The following CD163L1 variants were observed in gnomAD, a reference collection of about 807,000 sequenced individuals.
CD163L1 encodes the protein CD163 molecule like 1, also known as scavenger receptor cysteine-rich type 1 protein M160.
CD163L1 carries 124 observed loss-of-function variants against 165.4 expected under a neutral mutation model. That is an observed-to-expected ratio of 0.75 (90% CI 0.65 to 0.87). The LOEUF is 0.87. CD163L1 is among the 40% of genes least tolerant of loss of function. The probability of loss-of-function intolerance (pLI) is 0.00; values close to 1 mark genes in which losing one functional copy is unlikely to be tolerated. For synonymous variants in CD163L1, 585 were observed against 662.2 expected, an observed-to-expected ratio of 0.88 and a Z score of 1.79; for missense variants, 1,525 against 1,799.9, an observed-to-expected ratio of 0.85 and a Z score of 2.76.
At position 7,347,700 on chromosome 12, in the gene CD163L1, C is replaced by T. The variant is rs992261295; in HGVS notation, c.*25-553G>A. On this transcript the variant is annotated intron_variant, in intron 4 of 4. Coordinates refer to the CD163L1 transcript ENST00000539726. The surrounding 1 kb of genome is among the most constrained non-coding windows in gnomAD (Gnocchi z 4.2). ...AGGAGAATGGCGTGAACCTGGGAGG[C>T]GGAGCTTGCAGTGAACCAAGTTCAC... Among the ~76,000 whole-genome samples the T allele has an allele frequency of 3.3e-5, 5 of 151,564 alleles. No homozygotes were observed. Among genetic ancestry groups the T allele is most frequent in the Admixed American group, 6.6e-5 (1 of 15,222 alleles).
In CD163L1 at chr12:7,421,490, T is replaced by C. The variant is rs538681802; in HGVS notation, c.766+10926A>G. 8.0e-3 allele frequency among the ~76,000 whole-genome samples: 845 copies of C among 105,056 alleles called. 88 individuals are homozygous for C. Among genetic ancestry groups the C allele is most frequent in the Non-Finnish European group, 9.6e-3 (548 of 57,100 alleles). 68.9% of individuals were successfully genotyped at this position (105,056 alleles called of 152,430 possible). A position where few individuals can be genotyped will look rare whatever the true frequency, so the allele number is the denominator to read the frequency against. Reference sequence around the variant, plus strand: ...ATATATATACATATATGTACATATATACATATATGTACATATACATATACA... The same window carrying C: ...ATATATATACATATATGTACATATACACATATATGTACATATACATATACA... On this transcript the variant is annotated intron_variant, in intron 4 of 19. Transcript: ENST00000313599.
the CD163L1 span, among the ~76,000 whole-genome samples, chr12:7,338,450 A>AG: frequency 6.6e-6 from 1 of 152,172 alleles, no homozygotes; most frequent in Admixed American, 6.5e-5. Flanking sequence ...CAGGAATTTT[A>AG]GGGAAAAAAA....
At chr12:7,357,785 G>A (rs1010206465) in intron 18 of CD163L1, among the ~76,000 whole-genome samples, 2 of 152,032 alleles carry the variant, frequency 1.3e-5, no homozygotes, top group African/African-American at 4.8e-5. Flanking sequence ...TTAAAAATGG[G>A]ACAAGTAAAA....
chr12:7,325,882 A>C, the CD163L1 span, among the ~76,000 whole-genome samples: 34 of 152,226 alleles, frequency 2.2e-4, no homozygotes, highest in African/African-American at 7.5e-4. Flanking sequence ...CCTCTCACAC[A>C]CCAGTGAGCC....
rs1948019733 is a variant in CD163L1 at position 7,406,602 on chromosome 12, C to G, written c.1017G>C (p.Trp339Cys). The G allele has an allele frequency of 6.2e-7, 1 of 1,613,788 alleles. No individual in the cohort carries two copies. Among genetic ancestry groups the G allele is most frequent in the African/African-American group, 1.3e-5 (1 of 74,850 alleles). Residue 339 changes from tryptophan to cysteine, a missense_variant, in exon 5 of 20, where the codon TGG (tryptophan) becomes TGC (cysteine). Trp to Cys is a radical substitution (Grantham distance 215). Coordinates refer to ENST00000313599, the MANE Select transcript of CD163L1 (RefSeq NM_174941.6). ...TGACGGTTCCGGAATGTCTGCAGTC[C>G]CAAAGAAAAGATTCATTACCGGAGC... is the stretch of plus-strand genomic sequence containing the variant. The part of the protein sequence containing the change: ...VSCSGNESFL[W>C]DCRHSGTVNF...
rs1947769531 is a variant in CD163L1 at position 7,396,190 on chromosome 12, C to T, written c.1955G>A (p.Cys652Tyr). Reference protein sequence around the residue: ...YGKIWLDDVSCDGDESDLWSC... With the variant: ...YGKIWLDDVSYDGDESDLWSC... ...CCAGAGATCTGACTCATCTCCATCA[C>T]AGGAAACATCATCGAGCCAAATTTT... Residue 652 changes from cysteine (C) to tyrosine (Y), a missense_variant, in exon 8 of 20, where the codon TGT becomes TAT. Coordinates refer to ENST00000313599, the MANE Select transcript of CD163L1 (RefSeq NM_174941.6). 1.2e-6 allele frequency: 2 copies of T among 1,614,172 alleles called. No individual in the cohort carries two copies. Among genetic ancestry groups the T allele is most frequent in the Admixed American group, 1.7e-5 (1 of 60,022 alleles).
intron 4 of CD163L1, among the ~76,000 whole-genome samples, chr12:7,426,635 C>T (rs1317851009): frequency 6.6e-6 from 1 of 151,964 alleles, no homozygotes; most frequent in Non-Finnish European, 1.5e-5. Flanking sequence ...CCACCTGTTC[C>T]CCCAAAACCA....
intron 4 of CD163L1, among the ~76,000 whole-genome samples, chr12:7,421,612 CATATATGTACAT>C (rs1372666127): frequency 0.047 from 189 of 4,062 alleles, 8 homozygotes; most frequent in Middle Eastern, 0.12. Flanking sequence ...TACACATATA[CATATATGTACAT>C]ATATACATAT....
chr12:7,372,000 T>C (rs1297233892), intron 14 of CD163L1, among the ~76,000 whole-genome samples: 1 of 152,098 alleles, frequency 6.6e-6, no homozygotes, highest in Non-Finnish European at 1.5e-5. Context: ...CTGGGTTTTT[T>C]TCAAATTTTT....
Position 7,367,249 on chromosome 12 carries a change from C to T in CD163L1, c.4266G>A (p.Gly1422=). 1 of 1,612,134 alleles carries T rather than the reference C, an allele frequency of 6.2e-7. No individual in the cohort carries two copies. The highest frequency in any genetic ancestry group is 1.1e-5 in the South Asian group (1 of 90,936). ...AGTTGCACAGACCTGAGGTTCTTGT[C>T]CCATGTGGGTCCTCTCTCTTGAGGC... ...ETCLKREDPH[G]TRTSDDTPNH... is the part of the protein sequence containing the mutation. The change falls in exon 18 of 20, where the codon GGG becomes GGA. Residue 1422 remains glycine (G), a synonymous_variant. Coordinates refer to ENST00000313599, the MANE Select transcript of CD163L1 (RefSeq NM_174941.6).
At chr12:7,388,754 A>AG (rs1436477164) in intron 8 of CD163L1, among the ~76,000 whole-genome samples, 1 of 151,456 alleles carries the variant, frequency 6.6e-6, no homozygotes, top group East Asian at 2.0e-4. Context: ...AAAAAAAAAA[A>AG]AAAACAAAGT....
chr12:7,341,362 G>T, the CD163L1 span, among the ~76,000 whole-genome samples: 1 of 152,196 alleles, frequency 6.6e-6, no homozygotes, highest in Non-Finnish European at 1.5e-5. Flanking sequence ...GGACATAATT[G>T]CAAAGAAAGA....
At chr12:7,441,582 T>A (rs1232195095) in intron 1 of CD163L1, among the ~76,000 whole-genome samples, 1 of 152,246 alleles carries the variant, frequency 6.6e-6, no homozygotes, top group African/African-American at 2.4e-5. Flanking sequence ...CTCAACTCTT[T>A]GACCCTCTCC....
the CD163L1 span, chr12:7,326,830 C>T: frequency 2.3e-6 from 2 of 876,418 alleles, no homozygotes; most frequent in South Asian, 4.5e-5. Context: ...TGTATCCAAG[C>T]TTTGTTCAGA....
intron 4 of CD163L1, among the ~76,000 whole-genome samples, chr12:7,410,108 AAC>A (rs1948104340): frequency 6.6e-6 from 1 of 152,298 alleles, no homozygotes; most frequent in African/African-American, 2.4e-5. Context: ...TTAAATTAAT[AAC>A]ACAATAGATT....
chr12:7,373,425 C>A lies in CD163L1; in HGVS notation c.3625G>T (p.Asp1209Tyr), dbSNP rs759665574. 1.2e-6 allele frequency: 2 copies of A among 1,614,092 alleles called. No individual in the cohort carries two copies. Among genetic ancestry groups the A allele is most frequent in the East Asian group, 4.5e-5 (2 of 44,898 alleles). ...KTGSGFMWVD[D>Y]IQCPKTHISI... ...ATATGCGTTTTAGGACACTGAATGT[C>A]ATCCACCCACATGAAACCAGAGCCT... Residue 1209 changes from aspartate to tyrosine, a missense_variant, in exon 14 of 20, where the codon GAC (aspartate) becomes TAC (tyrosine). Asp to Tyr is a radical substitution (Grantham distance 160). Coordinates refer to ENST00000313599, the MANE Select transcript of CD163L1 (RefSeq NM_174941.6).
rs374850066 is a variant in CD163L1, at chr12:7,374,927, G to A, written c.3002-4C>T. The A allele has an allele frequency of 6.2e-7, 1 of 1,614,064 alleles. No homozygotes were observed. Among genetic ancestry groups the A allele is most frequent in the Non-Finnish European group, 8.5e-7 (1 of 1,179,926 alleles). On this transcript the variant is annotated splice_region_variant and splice_polypyrimidine_tract_variant and intron_variant, in intron 11 of 19. Transcript: ENST00000313599. This position sits in a 1 kb window ranked among gnomAD's most constrained non-coding sequence, Gnocchi z 5.4. ...AACAGTGGCTGGGTCAGGCTTCCTGGTGGAGGGTGCAGGAAATGGGGCAAA... is the reference window on the plus strand; with the variant it reads ...AACAGTGGCTGGGTCAGGCTTCCTGATGGAGGGTGCAGGAAATGGGGCAAA...
At chr12:7,333,678 T>G in the CD163L1 span, among the ~76,000 whole-genome samples, 1 of 152,128 alleles carries the variant, frequency 6.6e-6, no homozygotes, top group East Asian at 1.9e-4. Context: ...CAAAAAACCC[T>G]TAAAAAATCA....
At position 7,373,411 on chromosome 12, in the gene CD163L1, A is replaced by C; in HGVS notation, c.3639T>G (p.Pro1213=). ...GFMWVDDIQC[P]KTHISIWQCL... is the part of the protein sequence containing the mutation. Reference sequence around the variant, plus strand: ...ACTGCCATATGGAGATATGCGTTTTAGGACACTGAATGTCATCCACCCACA... The same window carrying C: ...ACTGCCATATGGAGATATGCGTTTTCGGACACTGAATGTCATCCACCCACA... Residue 1213 remains proline (P), a synonymous_variant, in exon 14 of 20, where the codon CCT becomes CCG. Transcript: ENST00000313599. The C allele has an allele frequency of 1.2e-6, 2 of 1,614,192 alleles. No homozygotes were observed. Among genetic ancestry groups the C allele is most frequent in the Non-Finnish European group, 1.7e-6 (2 of 1,180,034 alleles).
Sources: allele counts gnomAD v4.1 joint callset (sites outside exome capture counted in the v4.1 genomes callset), GRCh38; gene constraint gnomAD v4.1.1; non-coding constraint Gnocchi (gnomAD v3.1); transcripts MANE v1.5; gene names NCBI Gene and HGNC (gene_info 2026-07-23, HGNC 2026-07-21).